Variants in STS observed in about 807,000 individuals in gnomAD.
STS encodes steroid sulfatase, also known as steryl-sulfatase.
Under a neutral mutation model 26.8 loss-of-function variants are expected in STS, and 7 were observed. That is an observed-to-expected ratio of 0.26 (90% CI 0.15 to 0.49). STS has a LOEUF of 0.49. STS is among the 20% of genes least tolerant of loss of function. The pLI, the probability that STS is intolerant of heterozygous loss-of-function variation, is 0.98. For missense variants in STS, 434 were observed against 465.6 expected, an observed-to-expected ratio of 0.93 and a Z score of 0.63; for synonymous variants, 199 against 189.4, an observed-to-expected ratio of 1.05 and a Z score of -0.42.
chrX:7,261,047 G>A (rs5933826), intron 6 of STS, among the ~76,000 whole-genome samples: 38,626 of 109,633 alleles, frequency 0.35, 5,109 homozygotes, highest in East Asian at 0.4. Flanking sequence ...GAGAGCATAA[G>A]TAGATATAAT....
chrX:7,217,560 G>A (rs1302082544), intron 2 of STS, among the ~76,000 whole-genome samples: 1 of 111,565 alleles, frequency 9.0e-6, no homozygotes, highest in Non-Finnish European at 1.9e-5. Context: ...AAAATTGCTC[G>A]GGCGTATGAG....
chrX:7,301,413 C>CTAT (rs1308692952), intron 7 of STS, among the ~76,000 whole-genome samples: 1 of 110,587 alleles, frequency 9.0e-6, no homozygotes, highest in African/African-American at 3.3e-5. Flanking sequence ...AAATAATAGA[C>CTAT]TATTTTTGAG....
chrX:7,182,628 G>A (rs751075582), intron 1 of STS, among the ~76,000 whole-genome samples: 2 of 110,798 alleles, frequency 1.8e-5, no homozygotes, highest in Non-Finnish European at 3.8e-5. Flanking sequence ...TTGATTTATG[G>A]GTGCTGCTTT....
intron 1 of STS, among the ~76,000 whole-genome samples, chrX:7,155,431 G>T (rs1185452863): frequency 9.0e-6 from 1 of 111,546 alleles, no homozygotes; most frequent in Non-Finnish European, 1.9e-5. Flanking sequence ...AAAATTCAGA[G>T]AATGAGAATC....
intron 2 of STS, among the ~76,000 whole-genome samples, chrX:7,228,459 G>T (rs1921915197): frequency 8.9e-6 from 1 of 111,770 alleles, no homozygotes; most frequent in African/African-American, 3.3e-5. Flanking sequence ...GTGGGTTTGA[G>T]TTGCATTTTC....
chrX:7,232,456 A>G (rs5933793), intron 2 of STS, among the ~76,000 whole-genome samples: 39,900 of 110,714 alleles, frequency 0.36, 5,284 homozygotes, highest in East Asian at 0.4. Flanking sequence ...TTCTGTTGCA[A>G]TTTGGGTATT....
chrX:7,212,883 A>G (rs1203023090), intron 2 of STS, among the ~76,000 whole-genome samples: 2 of 112,348 alleles, frequency 1.8e-5, no homozygotes, highest in African/African-American at 6.5e-5. Context: ...TCTAATGGAC[A>G]TCCCACTTCC....
intron 9 of STS, among the ~76,000 whole-genome samples, chrX:7,327,297 C>T (rs745807752): frequency 2.7e-4 from 30 of 110,643 alleles, no homozygotes; most frequent in Non-Finnish European, 5.3e-4. Flanking sequence ...CTCTGGATCA[C>T]GCTTTGAGAC....
chrX:7,236,475 C>G (rs1922314523), intron 2 of STS, among the ~76,000 whole-genome samples: 1 of 112,194 alleles, frequency 8.9e-6, no homozygotes, highest in Admixed American at 9.5e-5. Flanking sequence ...AAAAATTACA[C>G]AAGCAAAGGT....
chrX:7,276,448 G>A (rs746506006), intron 7 of STS, among the ~76,000 whole-genome samples: 16 of 110,916 alleles, frequency 1.4e-4, no homozygotes, highest in Admixed American at 5.8e-4. Context: ...TCCAGCCTGG[G>A]TGAGACTGAG....
chrX:7,192,361 TG>T lies in STS; in HGVS notation c.-5+1356del, dbSNP rs755484168. ...GGCAGATCGCCTGAGGTCAGGAGTTTGGGACCAGCCTGGCCAACATGGTAAA... is the reference window on the plus strand; with the variant it reads ...GGCAGATCGCCTGAGGTCAGGAGTTTGGACCAGCCTGGCCAACATGGTAAA... On this transcript the variant is annotated intron_variant, in intron 2 of 10. Coordinates refer to ENST00000674429, the MANE Select transcript of STS (RefSeq NM_001320752.2). Among the ~76,000 whole-genome samples, 87 of 111,869 alleles carry T rather than the reference TG, an allele frequency of 7.8e-4. No individual in the cohort carries two copies. The East Asian group carries it at 0.02, about 26-fold the overall frequency.
chrX:7,179,291 C>T (rs1298103660), intron 1 of STS, among the ~76,000 whole-genome samples: 2 of 110,375 alleles, frequency 1.8e-5, no homozygotes, highest in Non-Finnish European at 3.8e-5. Flanking sequence ...TTCTCTAGTC[C>T]TTCTCATGAA....
intron 2 of STS, among the ~76,000 whole-genome samples, chrX:7,250,635 A>C (rs981343592): frequency 2.7e-5 from 3 of 112,160 alleles, no homozygotes; most frequent in African/African-American, 9.7e-5. Flanking sequence ...CTTTAGACTA[A>C]ATGGCAAAAA....
intron 2 of STS, among the ~76,000 whole-genome samples, chrX:7,240,552 T>TATATAA (rs1414168817): frequency 1.2e-4 from 11 of 91,321 alleles, no homozygotes; most frequent in African/African-American, 3.2e-4. Context: ...TATATATATA[T>TATATAA]AAAATGGATC....
intron 1 of STS, among the ~76,000 whole-genome samples, chrX:7,154,426 A>G (rs1408823913): frequency 8.9e-6 from 1 of 112,596 alleles, no homozygotes; most frequent in Non-Finnish European, 1.9e-5. Context: ...TCATTGTTTC[A>G]TAGCAACTGT....
intron 7 of STS, among the ~76,000 whole-genome samples, chrX:7,278,518 T>C (rs1471282025): frequency 8.9e-6 from 1 of 112,226 alleles, no homozygotes; most frequent in Non-Finnish European, 1.9e-5. Context: ...GCATATTCAG[T>C]GACCAAGAAC....
At chrX:7,241,121 G>A in intron 2 of STS, among the ~76,000 whole-genome samples, 1 of 111,775 alleles carries the variant, frequency 8.9e-6, no homozygotes, top group South Asian at 3.7e-4. Context: ...TAGGAATACT[G>A]CAACATCAGC....
intron 6 of STS, among the ~76,000 whole-genome samples, chrX:7,262,412 G>A (rs1923793738): frequency 9.0e-6 from 1 of 111,248 alleles, no homozygotes; most frequent in South Asian, 3.9e-4. Context: ...TGTAGACCAG[G>A]CCCCATGTCT....
At chrX:7,230,733 A>C (rs1444694083) in intron 2 of STS, among the ~76,000 whole-genome samples, 1 of 111,186 alleles carries the variant, frequency 9.0e-6, no homozygotes, top group Non-Finnish European at 1.9e-5. Context: ...AGAGCTCACT[A>C]TCACAAGAAC....
Sources: gnomAD v4.1 joint callset for allele counts (sites outside exome capture counted in the v4.1 genomes callset) on GRCh38, gnomAD v4.1.1 for gene constraint, MANE v1.5 for transcripts, NCBI Gene and HGNC (gene_info 2026-07-23, HGNC 2026-07-21) for gene names.